EFCAB13: variants seen among roughly 807,000 people sequenced by gnomAD.
The protein encoded by EFCAB13 is EF-hand calcium binding domain 13.
A neutral mutation model predicts 110.2 loss-of-function variants in EFCAB13; 91 were observed. The ratio of observed to expected loss-of-function variants is 0.83; its 90% CI spans 0.70 to 0.98. EFCAB13 has a LOEUF of 0.98. EFCAB13 is among the 50% of genes least tolerant of loss of function. EFCAB13 has a pLI of 0.00. For missense variants in EFCAB13, 968 were observed against 1,119.4 expected (o/e 0.86, Z 1.93); for synonymous variants, 323 against 369.9 (o/e 0.87, Z 1.45).
chr17:47,354,569 G>A (rs111412481), intron 9 of EFCAB13, among the ~76,000 whole-genome samples: 13,357 of 152,120 alleles, frequency 0.088, 845 homozygotes, highest in East Asian at 0.35. Context: ...GTGCATATAT[G>A]TTTAGGATTA....
Position 47,340,552 on chromosome 17 carries a change from T to C in EFCAB13, c.192-1369T>C, listed in dbSNP as rs143422019. 4.1e-3 allele frequency among the ~76,000 whole-genome samples: 629 copies of C among 152,080 alleles called. 16 individuals are homozygous for C. The East Asian group carries it at 0.065, about 16-fold the overall frequency. ...TTCTAGCTAATGATTGAAGGAATGATAGATTTATAATATAACCACTTTGCA... is the reference window on the plus strand; with the variant it reads ...TTCTAGCTAATGATTGAAGGAATGACAGATTTATAATATAACCACTTTGCA... On this transcript the variant is annotated intron_variant, in intron 5 of 24. Transcript: ENST00000331493.
chr17:47,377,726 A>C (rs745703409), intron 12 of EFCAB13, 40 bp from the exon 13 acceptor site: 1 of 1,496,464 alleles, frequency 6.7e-7, no homozygotes, highest in African/African-American at 1.4e-5. Flanking sequence ...TGACACATAA[A>C]TTCTGTTGCC....
intron 21 of EFCAB13, among the ~76,000 whole-genome samples, chr17:47,410,255 C>A (rs2065827546): frequency 6.6e-6 from 1 of 152,116 alleles, no homozygotes; most frequent in African/African-American, 2.4e-5. Flanking sequence ...TTTGAGAGAG[C>A]AAGAGAGCAA....
chr17:47,349,191 G>T (rs1243368349), intron 9 of EFCAB13, among the ~76,000 whole-genome samples: 2 of 152,158 alleles, frequency 1.3e-5, no homozygotes. Context: ...CATTTCCTCT[G>T]CAGACAATTG....
chr17:47,379,439 A>G (rs752446779), intron 14 of EFCAB13, among the ~76,000 whole-genome samples, 186 bp downstream of exon 14: 2 of 152,208 alleles, frequency 1.3e-5, no homozygotes, highest in Non-Finnish European at 2.9e-5. Context: ...TGTTTACCTC[A>G]CAGAGTTGTC....
intron 11 of EFCAB13, among the ~76,000 whole-genome samples, chr17:47,373,292 G>A (rs891051822): frequency 6.6e-6 from 1 of 151,984 alleles, no homozygotes; most frequent in African/African-American, 2.4e-5. Flanking sequence ...TAATTTCAGT[G>A]TCTCTGTAAA....
At chr17:47,406,207 GT>G (rs1457440976) in intron 20 of EFCAB13, among the ~76,000 whole-genome samples, 2 of 152,156 alleles carry the variant, frequency 1.3e-5, no homozygotes, top group Non-Finnish European at 2.9e-5. Context: ...CTGCCTCCCG[GT>G]TTCAAGCGAT....
At chr17:47,361,258 A>G (rs1364525077) in intron 9 of EFCAB13, 120 bp from the exon 10 acceptor site, 1 of 843,918 alleles carries the variant, frequency 1.2e-6, no homozygotes, top group African/African-American at 1.7e-5. Context: ...GTAGATAAAT[A>G]TTTATAAAAC....
chr17:47,349,603 A>G (rs1315350501), intron 9 of EFCAB13, among the ~76,000 whole-genome samples: 1 of 152,030 alleles, frequency 6.6e-6, no homozygotes, highest in Admixed American at 6.5e-5. Context: ...AGTTAATTCT[A>G]TTTACATTTT....
intron 5 of EFCAB13, chr17:47,339,713 A>G (rs2065372860): frequency 6.6e-6 from 1 of 152,078 alleles, no homozygotes; most frequent in African/African-American, 2.4e-5. Context: ...AAAAAAAAAA[A>G]AAGGTTTTTG....
chr17:47,415,946 TC>T (rs1347503565), intron 23 of EFCAB13, among the ~76,000 whole-genome samples: 1 of 151,936 alleles, frequency 6.6e-6, no homozygotes, highest in Non-Finnish European at 1.5e-5. Context: ...TTTTCCTGAC[TC>T]CCACATCTGC....
At chr17:47,403,694 G>A (rs774659680) in intron 18 of EFCAB13, among the ~76,000 whole-genome samples, 184 bp from the exon 19 acceptor site, 7 of 152,164 alleles carry the variant, frequency 4.6e-5, no homozygotes, top group Admixed American at 2.0e-4. Flanking sequence ...AGAGAAACGT[G>A]ATAGATCAAG....
chr17:47,364,126 A>G (rs2065532332), intron 10 of EFCAB13, among the ~76,000 whole-genome samples: 1 of 152,192 alleles, frequency 6.6e-6, no homozygotes, highest in Admixed American at 6.5e-5. Context: ...TATAGGAATT[A>G]AATATAAACA....
chr17:47,423,224 C>G (rs1449219923), intron 23 of EFCAB13: 1 of 151,726 alleles, frequency 6.6e-6, no homozygotes, highest in African/African-American at 2.4e-5. Context: ...TAATAATTTC[C>G]TAATTTTTAT....
chr17:47,337,848 C>T (rs1220530697), intron 5 of EFCAB13, among the ~76,000 whole-genome samples: 1 of 152,078 alleles, frequency 6.6e-6, no homozygotes, highest in African/African-American at 2.4e-5. Context: ...TGAACTGTAG[C>T]GTATGAGTTA....
At chr17:47,351,932 C>T (rs1421833872) in intron 9 of EFCAB13, among the ~76,000 whole-genome samples, 8 of 139,632 alleles carry the variant, frequency 5.7e-5, no homozygotes, top group African/African-American at 1.1e-4. Flanking sequence ...GATGGAGTCT[C>T]GCTCTGTTGT....
At position 47,344,236 on chromosome 17, in the gene EFCAB13, T is replaced by C; in HGVS notation, c.378T>C (p.Asn126=). Residue 126 remains asparagine (N), a synonymous_variant, in exon 7 of 25, where the codon AAT becomes AAC. Transcript: ENST00000331493. ...AAAACTCTTTATGCAAGTTGCCGAA[T>C]CAGTACAGCGTTCACAAGACTTCAT... ...RKENSLCKLP[N]QYSVHKTSSP... 6.2e-7 allele frequency: 1 copy of C among 1,613,302 alleles called. No individual in the cohort carries two copies. Among genetic ancestry groups the C allele is most frequent in the African/African-American group, 1.3e-5 (1 of 75,010 alleles).
chr17:47,344,335 G>T, intron 7 of EFCAB13, 43 bp downstream of exon 7: 2 of 1,589,324 alleles, frequency 1.3e-6, no homozygotes, highest in South Asian at 1.1e-5. Flanking sequence ...GTTGGGTTCA[G>T]ACTTGGGTGT....
chr17:47,370,444 C>T lies in EFCAB13; in HGVS notation c.813C>T (p.His271=), dbSNP rs895646523. ...VTKHTYIDSN[H]MVDIGDIIFT... ...GAACTTATTCTATTACAGGTAACCA[C>T]ATGGTGGATATTGGGGATATTATAT... Residue 271 remains histidine (H), a synonymous_variant, in exon 11 of 25, where the codon CAC becomes CAT. Transcript: ENST00000331493. 1 of 1,593,584 alleles carries T rather than the reference C, an allele frequency of 6.3e-7. No homozygotes were observed. Among genetic ancestry groups the T allele is most frequent in the African/African-American group, 1.3e-5 (1 of 74,588 alleles).
Sources: allele counts gnomAD v4.1 joint callset (sites outside exome capture counted in the v4.1 genomes callset), GRCh38; gene constraint gnomAD v4.1.1; transcripts MANE v1.5; gene names NCBI Gene and HGNC (gene_info 2026-07-23, HGNC 2026-07-21).